The following TMCC1 variants were observed in gnomAD, a reference collection of about 807,000 sequenced individuals.
The protein encoded by TMCC1 is transmembrane and coiled-coil domains protein 1.
A neutral mutation model predicts 52.4 loss-of-function variants in TMCC1; 15 were observed. The observed-to-expected ratio is 0.29, with a 90% CI of 0.19 to 0.44. The LOEUF (loss-of-function observed/expected upper bound fraction) is 0.44, where lower values mean the gene tolerates loss of function less well. Ranked by LOEUF, TMCC1 falls within the 20% of genes least tolerant of loss-of-function variation. The pLI is 1.00. For missense variants in TMCC1, 503 were observed against 806.0 expected, an observed-to-expected ratio of 0.62 and a Z score of 4.55; for synonymous variants, 279 against 301.9, an observed-to-expected ratio of 0.92 and a Z score of 0.79.
At position 129,860,060 on chromosome 3, in the gene TMCC1, GTTTA is replaced by G. The variant is rs1486148442; in HGVS notation, c.-184+20245_-184+20248del. ...GCAAAGAAGAAAATAATTACTGATAGTTTATTTAATCTAACACAAATATTCAAAA... is the reference window on the plus strand; with the variant it reads ...GCAAAGAAGAAAATAATTACTGATAGTTTAATCTAACACAAATATTCAAAA... On this transcript the variant is annotated intron_variant, in intron 2 of 6. Transcript: ENST00000393238. 3.9e-5 allele frequency among the ~76,000 whole-genome samples: 6 copies of G among 152,308 alleles called. No homozygotes were observed. In the East Asian group the frequency reaches 1.2e-3, roughly 29 times the overall value.
At chr3:129,806,041 T>C in intron 4 of TMCC1, among the ~76,000 whole-genome samples, 1 of 152,328 alleles carries the variant, frequency 6.6e-6, no homozygotes, top group African/African-American at 2.4e-5. Flanking sequence ...GTAATGTAAG[T>C]GTCATTTTCT....
intron 1 of TMCC1, among the ~76,000 whole-genome samples, chr3:129,881,284 G>A (rs998675070): frequency 2.0e-5 from 3 of 152,150 alleles, no homozygotes; most frequent in African/African-American, 7.2e-5. Flanking sequence ...ACTTTTGCAG[G>A]TAATCCAGCT....
intron 4 of TMCC1, among the ~76,000 whole-genome samples, chr3:129,672,711 T>C (rs1394689423): frequency 1.3e-5 from 2 of 152,182 alleles, no homozygotes; most frequent in Non-Finnish European, 2.9e-5. Flanking sequence ...AGTGCCAAAT[T>C]ACAATCCTTT....
intron 4 of TMCC1, among the ~76,000 whole-genome samples, chr3:129,799,676 G>A (rs1214982761): frequency 6.6e-6 from 1 of 152,084 alleles, no homozygotes; most frequent in Non-Finnish European, 1.5e-5. Context: ...GCTGGGCGTG[G>A]TGGTGGGCAC....
intron 4 of TMCC1, among the ~76,000 whole-genome samples, chr3:129,721,063 A>G (rs57388036): frequency 0.097 from 14,733 of 151,384 alleles, 839 homozygotes; most frequent in African/African-American, 0.16. Flanking sequence ...AATCTCTCAC[A>G]CTCCCAATTC....
chr3:129,698,026 C>T (rs776333393), intron 4 of TMCC1, among the ~76,000 whole-genome samples: 1 of 152,234 alleles, frequency 6.6e-6, no homozygotes, highest in Middle Eastern at 3.4e-3. Flanking sequence ...CTGTTCCAAC[C>T]TCTGTTACCC....
chr3:129,797,997 T>TC (rs2056951922), intron 4 of TMCC1, among the ~76,000 whole-genome samples: 2 of 150,870 alleles, frequency 1.3e-5, no homozygotes, highest in Non-Finnish European at 3.0e-5. Flanking sequence ...TTTTTTTTTT[T>TC]TTTCTTTTTT....
chr3:129,817,370 G>C (rs1035911133), intron 4 of TMCC1, among the ~76,000 whole-genome samples: 1 of 152,032 alleles, frequency 6.6e-6, no homozygotes, highest in Non-Finnish European at 1.5e-5. Context: ...GATCGCTTGA[G>C]CCCAGGAGAT....
intron 2 of TMCC1, among the ~76,000 whole-genome samples, chr3:129,841,908 C>G (rs1405289097): frequency 1.3e-5 from 2 of 152,162 alleles, no homozygotes; most frequent in Non-Finnish European, 2.9e-5. Context: ...AGCCATGCGG[C>G]ACTGTGAGTC....
At chr3:129,852,598 A>C (rs1304789440) in intron 2 of TMCC1, among the ~76,000 whole-genome samples, 1 of 152,212 alleles carries the variant, frequency 6.6e-6, no homozygotes, top group African/African-American at 2.4e-5. Context: ...CAAGACAAAA[A>C]GAGCTATAGA....
chr3:129,881,475 T>C (rs924545283), intron 1 of TMCC1, among the ~76,000 whole-genome samples: 3 of 152,126 alleles, frequency 2.0e-5, no homozygotes, highest in African/African-American at 4.8e-5. Flanking sequence ...ATGTCCACTC[T>C]CAGCAGAAAA....
At chr3:129,886,460 T>C (rs1177292629) in intron 1 of TMCC1, among the ~76,000 whole-genome samples, 1 of 152,156 alleles carries the variant, frequency 6.6e-6, no homozygotes, top group Non-Finnish European at 1.5e-5. Flanking sequence ...TACAAGAATA[T>C]TCAAGGCAGC....
intron 4 of TMCC1, among the ~76,000 whole-genome samples, chr3:129,685,402 T>TAAA (rs751525585): frequency 5.4e-4 from 79 of 145,790 alleles, no homozygotes; most frequent in African/African-American, 2.1e-3. Flanking sequence ...AAAATTAAAT[T>TAAA]TAAAAAAAAA....
At chr3:129,866,308 C>CATATATACATAAT (rs1485075460) in intron 2 of TMCC1, among the ~76,000 whole-genome samples, 1 of 133,760 alleles carries the variant, frequency 7.5e-6, no homozygotes, top group African/African-American at 2.9e-5. Flanking sequence ...ATAATATATA[C>CATATATACATAAT]ATATATTATA....
In TMCC1 at chr3:129,738,876, T is replaced by C. The variant is rs1199240405; in HGVS notation, c.577-67612A>G. Among the ~76,000 whole-genome samples, 4 of 152,302 alleles carry C rather than the reference T, an allele frequency of 2.6e-5. No homozygotes were observed. In the East Asian group the frequency reaches 7.7e-4, roughly 29 times the overall value. On this transcript the variant is annotated intron_variant, in intron 4 of 6. Transcript: ENST00000393238. Reference sequence around the variant, plus strand: ...CTCTGTCACCCAGCCTGGAGTGCAATGGTGAAATCTCAGCTCCCAGCAACC... The same window carrying C: ...CTCTGTCACCCAGCCTGGAGTGCAACGGTGAAATCTCAGCTCCCAGCAACC...
At chr3:129,742,373 T>A in intron 4 of TMCC1, among the ~76,000 whole-genome samples, 1 of 151,984 alleles carries the variant, frequency 6.6e-6, no homozygotes, top group East Asian at 1.9e-4. Flanking sequence ...TAAGTCAAAA[T>A]TGAAAAGACA....
chr3:129,765,068 T>C (rs142838926), intron 4 of TMCC1, among the ~76,000 whole-genome samples: 114 of 151,278 alleles, frequency 7.5e-4, no homozygotes, highest in Non-Finnish European at 6.2e-4. Flanking sequence ...TCCCAAAGCA[T>C]TGGGATTACA....
Position 129,651,608 on chromosome 3 carries a change from A to C in TMCC1, c.1835T>G (p.Val612Gly). The part of the protein sequence containing the change: ...VFVSTVANCV[V>G]PLMKTRNRTF... Reference sequence around the variant, plus strand: ...CCTGTTGCGAGTCTTCATGAGGGGGACCACACAGTTGGCTACAGTGGAGAC... The same window carrying C: ...CCTGTTGCGAGTCTTCATGAGGGGGCCCACACAGTTGGCTACAGTGGAGAC... The change falls in exon 7 of 7, where the codon GTC (valine) becomes GGC (glycine). Residue 612 changes from valine to glycine, a missense_variant. Val to Gly is a moderately radical substitution (Grantham distance 109). This residue lies in a region of TMCC1 where 50 missense variants were observed against 62.6 expected (regional missense o/e 0.80). Transcript: ENST00000393238. The surrounding 1 kb of genome is among the most constrained non-coding windows in gnomAD (Gnocchi z 5.1). 1.9e-6 allele frequency: 3 copies of C among 1,614,214 alleles called. No individual in the cohort carries two copies. Among genetic ancestry groups the C allele is most frequent in the Non-Finnish European group, 2.5e-6 (3 of 1,180,040 alleles).
chr3:129,868,247 C>G (rs1431799824), intron 2 of TMCC1, among the ~76,000 whole-genome samples: 1 of 152,074 alleles, frequency 6.6e-6, no homozygotes, highest in Non-Finnish European at 1.5e-5. Context: ...AGATTAAGAC[C>G]ACCAAAAGGC....
Sources: gnomAD v4.1 joint callset for allele counts (sites outside exome capture counted in the v4.1 genomes callset) on GRCh38, gnomAD v4.1.1 for gene constraint, gnomAD v4.1.1 regional missense constraint, Gnocchi (gnomAD v3.1) non-coding constraint, MANE v1.5 for transcripts, NCBI Gene and HGNC (gene_info 2026-07-23, HGNC 2026-07-21) for gene names.